The following PTDSS1 variants were observed in gnomAD, a reference collection of about 807,000 sequenced individuals.
PTDSS1 encodes the protein phosphatidylserine synthase 1.
PTDSS1 carries 45 observed loss-of-function variants against 70.5 expected under a neutral mutation model. That is an observed-to-expected ratio of 0.64 (90% confidence interval 0.50 to 0.82). The LOEUF (loss-of-function observed/expected upper bound fraction) is 0.82, where lower values mean the gene tolerates loss of function less well. Ranked by LOEUF, PTDSS1 falls within the 40% of genes least tolerant of loss-of-function variation. The pLI is 0.00. For synonymous variants in PTDSS1, 188 were observed against 203.8 expected (o/e 0.92, Z 0.66); for missense variants, 417 against 586.1 (o/e 0.71, Z 2.98).
At chr8:96,276,980 G>GCGCACACACACACA (rs1160844973) in intron 2 of PTDSS1, among the ~76,000 whole-genome samples, 1 of 145,906 alleles carries the variant, frequency 6.9e-6, no homozygotes, top group African/African-American at 2.6e-5. Flanking sequence ...GCACGCGCGC[G>GCGCACACACACACA]CACACACACA....
chr8:96,262,325 G>T lies in PTDSS1; in HGVS notation c.179+106G>T. Reference sequence around the variant, plus strand: ...GGCATGGCTCTGGGTGAGGAAGTGGGCTGGCTGCTCCACGCACACGCACTG... The same window carrying T: ...GGCATGGCTCTGGGTGAGGAAGTGGTCTGGCTGCTCCACGCACACGCACTG... On this transcript the variant is annotated intron_variant, in intron 1 of 12. Transcript: ENST00000517309. The surrounding 1 kb of genome is among the most constrained non-coding windows in gnomAD (Gnocchi z 4.4). The T allele has an allele frequency of 7.3e-7, 1 of 1,364,454 alleles. No individual in the cohort carries two copies. The highest frequency in any genetic ancestry group is 9.8e-7 in the Non-Finnish European group (1 of 1,016,770). 84.5% of individuals were successfully genotyped at this position (1,364,454 alleles called of 1,614,324 possible).
intron 4 of PTDSS1, chr8:96,287,370 G>T: frequency 1.9e-6 from 1 of 524,814 alleles, no homozygotes; most frequent in Non-Finnish European, 3.3e-6. Context: ...GAGGAAGAAT[G>T]CACACTTTAT....
At chr8:96,296,648 A>G (rs1318971116) in intron 5 of PTDSS1, among the ~76,000 whole-genome samples, 1 of 152,196 alleles carries the variant, frequency 6.6e-6, no homozygotes, top group East Asian at 1.9e-4. Context: ...CCGATCCATA[A>G]TAGTGCCCAA....
chr8:96,319,753 C>A (rs540688367), intron 9 of PTDSS1, among the ~76,000 whole-genome samples: 4 of 152,142 alleles, frequency 2.6e-5, no homozygotes, highest in African/African-American at 9.7e-5. Context: ...GGTTCCTCCA[C>A]TGAAATGATG....
Position 96,273,343 on chromosome 8 carries a change from C to T in PTDSS1, c.224C>T (p.Ser75Phe), listed in dbSNP as rs200857021. The T allele has an allele frequency of 5.6e-6, 9 of 1,612,586 alleles. No individual in the cohort carries two copies. The highest frequency in any genetic ancestry group is 1.3e-5 in the African/African-American group (1 of 74,878). The change falls in exon 2 of 13, where the codon TCT becomes TTT. Residue 75 changes from serine (S) to phenylalanine (F), a missense_variant. Coordinates refer to ENST00000517309, the MANE Select transcript of PTDSS1 (RefSeq NM_014754.3). Reference protein sequence around the residue: ...PEDNIWRGILSVIFFFLIISV... With the variant: ...PEDNIWRGILFVIFFFLIISV... ...GACAACATCTGGAGAGGCATCCTCTCTGTTATTTTCTTCTTTCTTATCATC... is the reference window on the plus strand; with the variant it reads ...GACAACATCTGGAGAGGCATCCTCTTTGTTATTTTCTTCTTTCTTATCATC...
At chr8:96,325,014 G>A (rs1422722656) in intron 10 of PTDSS1, among the ~76,000 whole-genome samples, 2 of 152,182 alleles carry the variant, frequency 1.3e-5, no homozygotes. Flanking sequence ...CTTCCGTGCT[G>A]TGCCTGGGGC....
intron 9 of PTDSS1, among the ~76,000 whole-genome samples, chr8:96,313,096 G>A (rs1174586007): frequency 2.0e-5 from 3 of 152,166 alleles, no homozygotes; most frequent in African/African-American, 7.2e-5. Flanking sequence ...AGGATCACCC[G>A]CCTGGGGTTC....
intron 9 of PTDSS1, 108 bp downstream of exon 9, chr8:96,309,730 G>T: frequency 1.1e-6 from 1 of 943,922 alleles, no homozygotes; most frequent in Non-Finnish European, 1.7e-6. Flanking sequence ...TTTCTATGAA[G>T]ACAGGTGGAC....
rs1464399774 is a variant in PTDSS1, at chr8:96,295,177, G to C, written c.521G>C (p.Trp174Ser). ...GATATTTTTGCATTTGGACATTTCT[G>C]GGGCTGGGCCATGAAGGCCTTGCTG... Reference protein sequence around the residue: ...HFDIFAFGHFWGWAMKALLIR... With the variant: ...HFDIFAFGHFSGWAMKALLIR... The change falls in exon 5 of 13, where the codon TGG becomes TCG. Residue 174 changes from tryptophan (W) to serine (S), a missense_variant. Coordinates refer to ENST00000517309, the MANE Select transcript of PTDSS1 (RefSeq NM_014754.3). 1 of 1,614,058 alleles carries C rather than the reference G, an allele frequency of 6.2e-7. No individual in the cohort carries two copies. The highest frequency in any genetic ancestry group is 8.5e-7 in the Non-Finnish European group (1 of 1,180,012).
intron 9 of PTDSS1, among the ~76,000 whole-genome samples, chr8:96,314,209 T>C (rs1230923643): frequency 2.0e-5 from 3 of 152,084 alleles, no homozygotes; most frequent in Admixed American, 6.6e-5. Flanking sequence ...AATGTCCAGC[T>C]AATTATATTT....
intron 1 of PTDSS1, among the ~76,000 whole-genome samples, chr8:96,264,370 C>T (rs1204469571): frequency 6.6e-6 from 1 of 152,098 alleles, no homozygotes; most frequent in East Asian, 1.9e-4. Context: ...GTGGTTATTA[C>T]GATGTGATTT....
intron 10 of PTDSS1, among the ~76,000 whole-genome samples, chr8:96,322,567 C>T (rs1811386777): frequency 6.6e-6 from 1 of 152,252 alleles, no homozygotes; most frequent in East Asian, 1.9e-4. Flanking sequence ...CTCCTCATGA[C>T]CTAATCATGT....
At chr8:96,268,809 G>A (rs1810522369) in intron 1 of PTDSS1, among the ~76,000 whole-genome samples, 1 of 152,100 alleles carries the variant, frequency 6.6e-6, no homozygotes, top group African/African-American at 2.4e-5. Flanking sequence ...ATAGCCCTCT[G>A]TAGCCAACAC....
intron 9 of PTDSS1, among the ~76,000 whole-genome samples, chr8:96,312,157 C>T (rs1011034763): frequency 4.6e-5 from 7 of 152,186 alleles, no homozygotes; most frequent in African/African-American, 1.7e-4. Context: ...GTGGGAGAAA[C>T]GGCAAAGGTA....
At chr8:96,304,280 C>A in intron 7 of PTDSS1, 99 bp downstream of exon 7, 1 of 1,337,600 alleles carries the variant, frequency 7.5e-7, no homozygotes, top group Non-Finnish European at 1.0e-6. Context: ...TGCTTTTCAG[C>A]TCCATACTTT....
chr8:96,301,798 G>A (rs1010143673), intron 6 of PTDSS1, among the ~76,000 whole-genome samples: 1 of 151,922 alleles, frequency 6.6e-6, no homozygotes, highest in African/African-American at 2.4e-5. Flanking sequence ...TTACAGGCGT[G>A]AGCACCGTGC....
chr8:96,304,096 C>T lies in PTDSS1; in HGVS notation c.809C>T (p.Ala270Val). ...IKRAVLQFTP[A>V]SWTYVRWFDP... ...AGAGCTGTTCTGCAGTTCACTCCTG[C>T]TAGCTGGACCTATGTTCGATGGTTT... The change falls in exon 7 of 13, where the codon GCT becomes GTT. Residue 270 changes from alanine to valine, a missense_variant. Around this residue, in one of 3 missense-constraint regions of PTDSS1, gnomAD observed 272 missense variants for 429.5 expected, o/e 0.63. Coordinates refer to ENST00000517309, the MANE Select transcript of PTDSS1 (RefSeq NM_014754.3). 1 of 1,613,674 alleles carries T rather than the reference C, an allele frequency of 6.2e-7. No homozygotes were observed. The highest frequency in any genetic ancestry group is 8.5e-7 in the Non-Finnish European group (1 of 1,179,656).
intron 10 of PTDSS1, among the ~76,000 whole-genome samples, chr8:96,321,104 A>G (rs1811367532): frequency 6.6e-6 from 1 of 152,250 alleles, no homozygotes; most frequent in Non-Finnish European, 1.5e-5. Context: ...AATTTCAGAC[A>G]TGTGCAAATA....
intron 5 of PTDSS1, 42 bp downstream of exon 5, chr8:96,295,298 T>C (rs772992964): frequency 6.4e-7 from 1 of 1,568,796 alleles, no homozygotes; most frequent in Admixed American, 1.9e-5. Flanking sequence ...CTGTGCCATG[T>C]GTGTAGTTTA....
Sources: allele counts gnomAD v4.1 joint callset (sites outside exome capture counted in the v4.1 genomes callset), GRCh38; gene constraint gnomAD v4.1.1; regional missense constraint gnomAD v4.1.1; non-coding constraint Gnocchi (gnomAD v3.1); transcripts MANE v1.5; gene names NCBI Gene and HGNC (gene_info 2026-07-23, HGNC 2026-07-21).